PRRC2A: variants seen among roughly 807,000 people sequenced by gnomAD.
PRRC2A encodes proline rich coiled-coil 2A, also known as protein PRRC2A.
In PRRC2A, 59 loss-of-function variants were observed where a neutral mutation model predicts 224.6. The ratio of observed to expected loss-of-function variants is 0.26; its 90% CI spans 0.21 to 0.33. The LOEUF is 0.33. Ranked by LOEUF, PRRC2A falls within the 10% of genes least tolerant of loss-of-function variation. PRRC2A has a pLI of 1.00. For synonymous variants in PRRC2A, 1,194 were observed against 1,109.5 expected (o/e 1.08, Z -1.51); for missense variants, 3,095 against 2,880.7 (o/e 1.07, Z -1.70).
chr6:31,634,401 G>A, intron 19 of PRRC2A, 36 bp downstream of exon 19: 1 of 1,612,128 alleles, frequency 6.2e-7, no homozygotes, highest in Non-Finnish European at 8.5e-7. Context: ...ATGGTAGAAG[G>A]GTTAAGAATG....
intron 16 of PRRC2A, among the ~76,000 whole-genome samples, 162 bp from the exon 17 acceptor site, chr6:31,633,216 TC>T (rs1200762977): frequency 1.3e-5 from 2 of 152,200 alleles, no homozygotes; most frequent in African/African-American, 4.8e-5. Context: ...TTCTTTGCTT[TC>T]CAGTCTGTGC....
At chr6:31,629,917 C>A in intron 14 of PRRC2A, 72 bp downstream of exon 14, 2 of 1,584,620 alleles carry the variant, frequency 1.3e-6, no homozygotes, top group Non-Finnish European at 1.7e-6. Flanking sequence ...TAGGGTCTTA[C>A]TGTGACTCTG....
rs1777038136 is a variant in PRRC2A at position 31,634,177 on chromosome 6, C to T, written c.4720-59C>T. On this transcript the variant is annotated intron_variant, in intron 18 of 30. Transcript: ENST00000376033. ...GTGTCACCCCACTCTGTCCTGGCTT[C>T]CTATAATTCCCAATTCCCACCCAAT... 1.2e-5 allele frequency: 19 copies of T among 1,572,266 alleles called. No homozygotes were observed. The South Asian group carries it at 1.3e-4, about 11-fold the overall frequency.
intron 12 of PRRC2A, chr6:31,628,819 T>C: frequency 3.2e-6 from 1 of 312,298 alleles, no homozygotes; most frequent in Non-Finnish European, 5.9e-6. Flanking sequence ...CCAGCCTGGG[T>C]GACAGAGCAA....
chr6:31,636,630 C>G lies in PRRC2A; in HGVS notation c.5934+22C>G, dbSNP rs937723485. 5.0e-6 allele frequency: 8 copies of G among 1,588,026 alleles called. No individual in the cohort carries two copies. Among genetic ancestry groups the G allele is most frequent in the Non-Finnish European group, 6.0e-6 (7 of 1,163,302 alleles). On this transcript the variant is annotated intron_variant, in intron 27 of 30. Transcript: ENST00000376033. The surrounding 1 kb of genome is among the most constrained non-coding windows in gnomAD (Gnocchi z 4.3). ...GCAGGTATATTGTATCTTCACACTT[C>G]CCCTTCATTTGATTTCTCTGTCCAG...
Position 31,632,677 on chromosome 6 carries a change from G to T in PRRC2A, c.4004G>T (p.Arg1335Leu), listed in dbSNP as rs1020256989. 6 of 1,612,988 alleles carry T rather than the reference G, an allele frequency of 3.7e-6. No individual in the cohort carries two copies. The highest frequency in any genetic ancestry group is 2.7e-5 in the African/African-American group (2 of 74,926). Residue 1335 changes from arginine (R) to leucine (L), a missense_variant, in exon 16 of 31, where the codon CGA becomes CTA. This residue lies in a region of PRRC2A where 2,001 missense variants were observed against 1,764.9 expected (regional missense o/e 1.13). Coordinates refer to ENST00000376033, the MANE Select transcript of PRRC2A (RefSeq NM_004638.4). ...AGCAGTGACTTCACCAGTGAGCGCC[G>T]AGGGGACAAAGAGGCACCCCCACCA... ...SESSDFTSER[R>L]GDKEAPPPVL...
In PRRC2A at chr6:31,634,525, C is replaced by T. The variant is rs1371091557; in HGVS notation, c.4903C>T (p.Leu1635=). ...CTCCATGGAGCCTTGGATGGAGCCCCTGAGTCCTTTTGAGGATGTGGCTGG... is the reference window on the plus strand; with the variant it reads ...CTCCATGGAGCCTTGGATGGAGCCCTTGAGTCCTTTTGAGGATGTGGCTGG... ...PSSMEPWMEP[L]SPFEDVAGTE... is the part of the protein sequence containing the mutation. The change falls in exon 20 of 31, where the codon CTG becomes TTG. Residue 1635 remains leucine (L), a synonymous_variant. Transcript: ENST00000376033. 2.5e-6 allele frequency: 4 copies of T among 1,612,818 alleles called. No homozygotes were observed. The highest frequency in any genetic ancestry group is 1.3e-5 in the African/African-American group (1 of 75,016).
In PRRC2A at chr6:31,632,079, C is replaced by A. The variant is rs753986990; in HGVS notation, c.3406C>A (p.Pro1136Thr). 1 of 1,554,674 alleles carries A rather than the reference C, an allele frequency of 6.4e-7. No homozygotes were observed. The highest frequency in any genetic ancestry group is 1.2e-5 in the South Asian group (1 of 81,814). The stretch of plus-strand genomic sequence containing the variant: ...CAAGGAGGGAACACTCACCCAGGTC[C>A]CTCTCGCTCCCCCACCACCAGGAGC... ...TPKEGTLTQV[P>T]LAPPPPGAPP... Residue 1136 changes from proline (P) to threonine (T), a missense_variant, in exon 16 of 31, where the codon CCT (proline) becomes ACT (threonine). This residue lies in a region of PRRC2A where 2,001 missense variants were observed against 1,764.9 expected (regional missense o/e 1.13). Transcript: ENST00000376033.
chr6:31,624,788 T>G, intron 5 of PRRC2A: 1 of 564,148 alleles, frequency 1.8e-6, no homozygotes, highest in Non-Finnish European at 3.1e-6. Flanking sequence ...GTCTGGTACC[T>G]GTCAGAGCCT....
Position 31,634,463 on chromosome 6 carries a change from C to A in PRRC2A, c.4850-9C>A, listed in dbSNP as rs1777073366. ...TCACTTCTCTTCTGGTTGGTGCTCC[C>A]TTCTCCAGCCACTAGCCGAAAGAGT... On this transcript the variant is annotated splice_polypyrimidine_tract_variant and intron_variant, in intron 19 of 30. Transcript: ENST00000376033. 1 of 1,612,676 alleles carries A rather than the reference C, an allele frequency of 6.2e-7. No homozygotes were observed. The highest frequency in any genetic ancestry group is 8.5e-7 in the Non-Finnish European group (1 of 1,179,908).
Position 31,629,671 on chromosome 6 carries a change from C to G in PRRC2A, c.2080C>G (p.Gln694Glu). 1 of 1,609,192 alleles carries G rather than the reference C, an allele frequency of 6.2e-7. No individual in the cohort carries two copies. The highest frequency in any genetic ancestry group is 8.5e-7 in the Non-Finnish European group (1 of 1,177,620). ...PVTLGAVPAP[Q>E]APPPPPKALY... is the part of the protein sequence containing the mutation. ...GACCCTGGGGGCTGTGCCAGCTCCA[C>G]AGGCTCCACCCCCGCCCCCCAAGGC... The change falls in exon 14 of 31, where the codon CAG (glutamine) becomes GAG (glutamate). Residue 694 changes from glutamine (Q) to glutamate (E), a missense_variant. Gln to Glu is a conservative substitution (Grantham distance 29, BLOSUM62 2). Transcript: ENST00000376033.
Position 31,632,075 on chromosome 6 carries a change from G to A in PRRC2A, c.3402G>A (p.Gln1134=). 1 of 1,558,362 alleles carries A rather than the reference G, an allele frequency of 6.4e-7. No individual in the cohort carries two copies. Among genetic ancestry groups the A allele is most frequent in the Non-Finnish European group, 8.7e-7 (1 of 1,150,660 alleles). Residue 1134 remains glutamine (Q), a synonymous_variant, in exon 16 of 31, where the codon CAG becomes CAA. Transcript: ENST00000376033. ...APTPKEGTLT[Q]VPLAPPPPGA... is the part of the protein sequence containing the mutation. Reference sequence around the variant, plus strand: ...CACCCAAGGAGGGAACACTCACCCAGGTCCCTCTCGCTCCCCCACCACCAG... The same window carrying A: ...CACCCAAGGAGGGAACACTCACCCAAGTCCCTCTCGCTCCCCCACCACCAG...
chr6:31,632,589 TCTC>T lies in PRRC2A; in HGVS notation c.3919_3921del (p.Pro1307del), dbSNP rs1561828356. 3.7e-6 allele frequency: 6 copies of T among 1,612,804 alleles called. No homozygotes were observed. Among genetic ancestry groups the T allele is most frequent in the Non-Finnish European group, 4.2e-6 (5 of 1,179,914 alleles). ...AGCACCTCGCCGGGCAGCTGCCAAG[TCTC>T]CTGATCTGTCAAACCAGAACTCAGA... On this transcript the variant is annotated inframe_deletion, in exon 16 of 31. Transcript: ENST00000376033.
At position 31,636,510 on chromosome 6, in the gene PRRC2A, G is replaced by C. The variant is rs368045974; in HGVS notation, c.5836G>C (p.Val1946Leu). ...TATATTTCTCCCTGTTTCCCGACAGGTACGCCAGGATCTGCCATCCCCTTC... is the reference window on the plus strand; with the variant it reads ...TATATTTCTCCCTGTTTCCCGACAGCTACGCCAGGATCTGCCATCCCCTTC... ...SPLPDTSLLQVRQDLPSPSDF... is the reference protein window; with the variant it reads ...SPLPDTSLLQLRQDLPSPSDF... Residue 1946 changes from valine (V) to leucine (L), a missense_variant and splice_region_variant, in exon 27 of 31, where the codon GTA (valine) becomes CTA (leucine). Physicochemically the swap from Val to Leu is conservative, Grantham distance 32. Coordinates refer to ENST00000376033, the MANE Select transcript of PRRC2A (RefSeq NM_004638.4). This position sits in a 1 kb window ranked among gnomAD's most constrained non-coding sequence, Gnocchi z 4.3. 6.2e-7 allele frequency: 1 copy of C among 1,609,378 alleles called. No homozygotes were observed. Among genetic ancestry groups the C allele is most frequent in the Non-Finnish European group, 8.5e-7 (1 of 1,177,742 alleles).
rs375608614 is a variant in PRRC2A, at chr6:31,632,519, C to G, written c.3846C>G (p.Ser1282=). 6.2e-7 allele frequency: 1 copy of G among 1,608,680 alleles called. No homozygotes were observed. Among genetic ancestry groups the G allele is most frequent in the Admixed American group, 1.7e-5 (1 of 59,770 alleles). ...AGCCCTCCCTAACCCTTCCAGCCTCCGCTCCTGGACCTGAGGAGGCCCTCA... is the reference window on the plus strand; with the variant it reads ...AGCCCTCCCTAACCCTTCCAGCCTCGGCTCCTGGACCTGAGGAGGCCCTCA... The part of the protein sequence containing the change: ...EGKPSLTLPA[S]APGPEEALTT... The change falls in exon 16 of 31, where the codon TCC becomes TCG. Residue 1282 remains serine, a synonymous_variant. Coordinates refer to ENST00000376033, the MANE Select transcript of PRRC2A (RefSeq NM_004638.4).
chr6:31,636,441 G>T lies in PRRC2A; in HGVS notation c.5835+22G>T, dbSNP rs1258953048. 1 of 1,612,466 alleles carries T rather than the reference G, an allele frequency of 6.2e-7. No individual in the cohort carries two copies. Among genetic ancestry groups the T allele is most frequent in the South Asian group, 1.1e-5 (1 of 91,064 alleles). On this transcript the variant is annotated intron_variant, in intron 26 of 30. Transcript: ENST00000376033. The surrounding 1 kb of genome is among the most constrained non-coding windows in gnomAD (Gnocchi z 4.3). ...TCAGGTAAGAGGGGGGCAGGTATTA[G>T]ATATTGGGGGATAGGGTAGGGAGAA...
rs765858648 is a variant in PRRC2A at position 31,631,870 on chromosome 6, G to A, written c.3197G>A (p.Arg1066His). 1.4e-5 allele frequency: 22 copies of A among 1,610,110 alleles called. No homozygotes were observed. The highest frequency in any genetic ancestry group is 2.2e-5 in the East Asian group (1 of 44,764). ...SYREFRGDDG[R>H]GGGTGGPNHP... ...CGAGAGTTTCGAGGAGATGATGGGC[G>A]TGGAGGTGGGACAGGGGGACCAAAC... is the stretch of plus-strand genomic sequence containing the variant. The change falls in exon 16 of 31, where the codon CGT becomes CAT. Residue 1066 changes from arginine to histidine, a missense_variant. Physicochemically the swap from Arg to His is conservative, Grantham distance 29. Around this residue, in one of 8 missense-constraint regions of PRRC2A, gnomAD observed 2,001 missense variants for 1,764.9 expected, o/e 1.13. Coordinates refer to ENST00000376033, the MANE Select transcript of PRRC2A (RefSeq NM_004638.4). The surrounding 1 kb of genome is among the most constrained non-coding windows in gnomAD (Gnocchi z 4.5).
In PRRC2A at chr6:31,632,869, C is replaced by T; in HGVS notation, c.4196C>T (p.Pro1399Leu). 1 of 1,613,026 alleles carries T rather than the reference C, an allele frequency of 6.2e-7. No individual in the cohort carries two copies. Among genetic ancestry groups the T allele is most frequent in the Non-Finnish European group, 8.5e-7 (1 of 1,179,966 alleles). ...GGCATGGAACGGCAGAATCGGCGCCCTGGCCCAGGGGGCAAGGCTGGCAGC... is the reference window on the plus strand; with the variant it reads ...GGCATGGAACGGCAGAATCGGCGCCTTGGCCCAGGGGGCAAGGCTGGCAGC... ...RPGMERQNRR[P>L]GPGGKAGSSG... Residue 1399 changes from proline to leucine, a missense_variant, in exon 16 of 31, where the codon CCT becomes CTT. Pro to Leu is a moderately conservative substitution (Grantham distance 98). Transcript: ENST00000376033.
chr6:31,632,888 T>TGGCAGCAGTGGC lies in PRRC2A; in HGVS notation c.4216_4227dup (p.Gly1406_Gly1409dup). On this transcript the variant is annotated inframe_insertion, in exon 16 of 31. Coordinates refer to ENST00000376033, the MANE Select transcript of PRRC2A (RefSeq NM_004638.4). ...GGCGCCCTGGCCCAGGGGGCAAGGC[T>TGGCAGCAGTGGC]GGCAGCAGTGGCAGCAGCAGTGGAG... 3 of 1,612,832 alleles carry TGGCAGCAGTGGC rather than the reference T, an allele frequency of 1.9e-6. No individual in the cohort carries two copies. The highest frequency in any genetic ancestry group is 2.5e-6 in the Non-Finnish European group (3 of 1,179,902).
Sources: allele counts gnomAD v4.1 joint callset (sites outside exome capture counted in the v4.1 genomes callset), GRCh38; gene constraint gnomAD v4.1.1; regional missense constraint gnomAD v4.1.1; non-coding constraint Gnocchi (gnomAD v3.1); transcripts MANE v1.5; gene names NCBI Gene and HGNC (gene_info 2026-07-23, HGNC 2026-07-21).